The following NAA30 variants were observed in gnomAD, a reference collection of about 807,000 sequenced individuals.
NAA30 encodes the protein N-alpha-acetyltransferase 30.
NAA30 carries 5 observed loss-of-function variants against 31.4 expected under a neutral mutation model. The observed-to-expected ratio is 0.16, with a 90% CI of 0.08 to 0.33. NAA30 has a LOEUF of 0.33. NAA30 is among the 10% of genes least tolerant of loss of function. NAA30 has a pLI of 1.00. For synonymous variants in NAA30, 222 were observed against 207.1 expected (o/e 1.07, Z -0.62); for missense variants, 428 against 490.8 (o/e 0.87, Z 1.21).
Position 57,414,879 on chromosome 14 carries a change from A to G in NAA30, c.*5363A>G, listed in dbSNP as rs1438801618. The G allele has an allele frequency of 6.6e-6, 1 of 152,232 alleles. No individual in the cohort carries two copies. The highest frequency in any genetic ancestry group is 1.5e-5 in the Non-Finnish European group (1 of 68,052). 9.4% of individuals were successfully genotyped at this position (152,232 alleles called of 1,614,324 possible). On this transcript the variant is annotated 3_prime_UTR_variant, in exon 5 of 5. Transcript: ENST00000556492. ...GATTAAGTCAGTGTTTAATCTCAATATGAAACAGACCTAGAAATAACAAAG... is the reference window on the plus strand; with the variant it reads ...GATTAAGTCAGTGTTTAATCTCAATGTGAAACAGACCTAGAAATAACAAAG...
chr14:57,391,601 A>T lies in NAA30; in HGVS notation c.644A>T (p.Tyr215Phe). Residue 215 changes from tyrosine (Y) to phenylalanine (F), a missense_variant, in exon 2 of 5, where the codon TAT becomes TTT. By Grantham distance (22) the Tyr-to-Phe change is conservative. This residue lies in a region of NAA30 where 349 missense variants were observed against 310.4 expected (regional missense o/e 1.12). Coordinates refer to ENST00000556492, the MANE Select transcript of NAA30 (RefSeq NM_001011713.3). This position sits in a 1 kb window ranked among gnomAD's most constrained non-coding sequence, Gnocchi z 4.1. ...VEPGEDRTIRYVRYESELQMP... is the reference protein window; with the variant it reads ...VEPGEDRTIRFVRYESELQMP... Reference sequence around the variant, plus strand: ...CCTGGGGAGGATCGGACGATACGATATGTCCGATATGAATCCGAGCTACAA... The same window carrying T: ...CCTGGGGAGGATCGGACGATACGATTTGTCCGATATGAATCCGAGCTACAA... 1 of 1,614,238 alleles carries T rather than the reference A, an allele frequency of 6.2e-7. No homozygotes were observed.
At chr14:57,403,884 A>G (rs924321274) in intron 4 of NAA30, among the ~76,000 whole-genome samples, 1 of 152,208 alleles carries the variant, frequency 6.6e-6, no homozygotes, top group Non-Finnish European at 1.5e-5. Flanking sequence ...TCCTGAAGTA[A>G]ATTAGAATAT....
At position 57,404,434 on chromosome 14, in the gene NAA30, T is replaced by G. The variant is rs188713640; in HGVS notation, c.951+4551T>G. 3.0e-3 allele frequency among the ~76,000 whole-genome samples: 456 copies of G among 152,332 alleles called. 10 individuals are homozygous for G. Among genetic ancestry groups the G allele is most frequent in the Admixed American group, 0.029 (439 of 15,304 alleles). ...TTTCTTAATGGAATTTATAGTATCT[T>G]AAAATATTTTTAGTTGAAAATCACG... is the stretch of plus-strand genomic sequence containing the variant. On this transcript the variant is annotated intron_variant, in intron 4 of 4. Coordinates refer to ENST00000556492, the MANE Select transcript of NAA30 (RefSeq NM_001011713.3).
At chr14:57,400,452 T>A (rs2066470565) in intron 4 of NAA30, among the ~76,000 whole-genome samples, 1 of 152,200 alleles carries the variant, frequency 6.6e-6, no homozygotes, top group South Asian at 2.1e-4. Flanking sequence ...GCATGATAAA[T>A]ATTGGTGATG....
chr14:57,409,095 ATAAT>A (rs2066511856), intron 4 of NAA30, among the ~76,000 whole-genome samples: 1 of 152,308 alleles, frequency 6.6e-6, no homozygotes, highest in Admixed American at 6.5e-5. Flanking sequence ...CCACAGGGAA[ATAAT>A]TAATCTTTGT....
In NAA30 at chr14:57,414,012, C is replaced by T. The variant is rs1294251405; in HGVS notation, c.*4496C>T. The T allele has an allele frequency of 2.0e-5, 3 of 152,132 alleles. No homozygotes were observed. In the East Asian group the frequency reaches 5.8e-4, roughly 29 times the overall value. 9.4% of individuals were successfully genotyped at this position (152,132 alleles called of 1,614,324 possible). A position where few individuals can be genotyped will look rare whatever the true frequency, so the allele number is the denominator to read the frequency against. On this transcript the variant is annotated 3_prime_UTR_variant, in exon 5 of 5. Transcript: ENST00000556492. ...ATTGAGCTGAATTTGTAATTTTAAT[C>T]AAAGTTAGCCACATGTGGCTTGTGG... is the stretch of plus-strand genomic sequence containing the variant.
intron 2 of NAA30, among the ~76,000 whole-genome samples, chr14:57,394,110 TAAAA>T (rs11326184): frequency 1.3e-4 from 18 of 137,258 alleles, no homozygotes; most frequent in African/African-American, 2.7e-4. Context: ...GTAAAAGATG[TAAAA>T]AAAAAAAAAA....
chr14:57,390,990 C>A lies in NAA30; in HGVS notation c.33C>A (p.Leu11=). 1.3e-6 allele frequency: 2 copies of A among 1,494,756 alleles called. No homozygotes were observed. Among genetic ancestry groups the A allele is most frequent in the South Asian group, 1.4e-5 (1 of 72,238 alleles). 92.6% of individuals were successfully genotyped at this position (1,494,756 alleles called of 1,614,324 possible). Residue 11 remains leucine (L), a synonymous_variant, in exon 2 of 5, where the codon CTC becomes CTA. Coordinates refer to ENST00000556492, the MANE Select transcript of NAA30 (RefSeq NM_001011713.3). Reference sequence around the variant, plus strand: ...AGGTACCGCCTGGGCCTAGCAGCCTCCTCCCACCACCAGCACCTCCGGCCC... The same window carrying A: ...AGGTACCGCCTGGGCCTAGCAGCCTACTCCCACCACCAGCACCTCCGGCCC... The part of the protein sequence containing the change: MAEVPPGPSS[L]LPPPAPPAPA...
In NAA30 at chr14:57,391,197, G is replaced by A. The variant is rs750741163; in HGVS notation, c.240G>A (p.Glu80=). 4.3e-6 allele frequency: 7 copies of A among 1,611,386 alleles called. No homozygotes were observed. In the East Asian group the frequency reaches 1.3e-4, roughly 31 times the overall value. Residue 80 remains glutamate, a synonymous_variant, in exon 2 of 5, where the codon GAG becomes GAA. Transcript: ENST00000556492. The surrounding 1 kb of genome is among the most constrained non-coding windows in gnomAD (Gnocchi z 4.1). The part of the protein sequence containing the change: ...PCLRCPQPPQ[E]QQQLNGLISP... ...TCCGCTGCCCTCAGCCGCCGCAGGAGCAGCAGCAGCTCAACGGATTGATTA... is the reference window on the plus strand; with the variant it reads ...TCCGCTGCCCTCAGCCGCCGCAGGAACAGCAGCAGCTCAACGGATTGATTA...
intron 4 of NAA30, among the ~76,000 whole-genome samples, chr14:57,400,919 A>ATTTTT (rs2066473642): frequency 7.0e-6 from 1 of 143,546 alleles, no homozygotes. Context: ...TTTTGTAGAG[A>ATTTTT]TGGGAGTCTT....
At position 57,409,719 on chromosome 14, in the gene NAA30, G is replaced by A. The variant is rs2066515304; in HGVS notation, c.*203G>A. 6.8e-6 allele frequency: 3 copies of A among 442,288 alleles called. No homozygotes were observed. The highest frequency in any genetic ancestry group is 1.1e-5 in the Non-Finnish European group (3 of 263,904). 27.4% of individuals were successfully genotyped at this position (442,288 alleles called of 1,614,324 possible). On this transcript the variant is annotated 3_prime_UTR_variant, in exon 5 of 5. Transcript: ENST00000556492. ...AATTAAAAGATTGTTTTAAACTTCA[G>A]GAGTTCTTTTGGTACCAACAAGATG...
At chr14:57,397,848 C>T (rs1470527946) in intron 3 of NAA30, among the ~76,000 whole-genome samples, 1 of 152,146 alleles carries the variant, frequency 6.6e-6, no homozygotes, top group African/African-American at 2.4e-5. Flanking sequence ...TTGATTGAAC[C>T]TGGGAGGTGG....
Position 57,413,924 on chromosome 14 carries a change from C to T in NAA30, c.*4408C>T, listed in dbSNP as rs2066535570. 1 of 152,222 alleles carries T rather than the reference C, an allele frequency of 6.6e-6. No individual in the cohort carries two copies. Among genetic ancestry groups the T allele is most frequent in the Non-Finnish European group, 1.5e-5 (1 of 68,042 alleles). The allele number at this position is 152,222 out of a possible 1,614,324, so 9.4% of individuals were successfully genotyped here. ...TAAGGATAGATGTGTCCTTTTCACT[C>T]CCCAGTATGGTAGTTACTAGTCACA... On this transcript the variant is annotated 3_prime_UTR_variant, in exon 5 of 5. Transcript: ENST00000556492.
chr14:57,396,730 TA>T (rs2066452361), intron 2 of NAA30, 21 bp from the exon 3 acceptor site: 1 of 1,613,684 alleles, frequency 6.2e-7, no homozygotes, highest in Admixed American at 1.7e-5. Flanking sequence ...GTATTCTTCA[TA>T]ACTGTTTGTT....
chr14:57,405,913 G>A (rs1021626061), intron 4 of NAA30, among the ~76,000 whole-genome samples: 3 of 152,074 alleles, frequency 2.0e-5, no homozygotes, highest in Admixed American at 6.6e-5. Context: ...TAAGAGGATC[G>A]GTGGAATTTC....
intron 4 of NAA30, 58 bp from the exon 5 acceptor site, chr14:57,409,321 G>A: frequency 1.5e-6 from 2 of 1,356,514 alleles, no homozygotes; most frequent in South Asian, 1.5e-5. Context: ...TGTTTAGTTG[G>A]TAAATTATTT....
intron 2 of NAA30, among the ~76,000 whole-genome samples, chr14:57,394,548 G>T (rs1406792296): frequency 1.3e-5 from 2 of 151,884 alleles, no homozygotes; most frequent in Non-Finnish European, 2.9e-5. Context: ...TTCATGAGTA[G>T]TTTATCAGGA....
intron 2 of NAA30, among the ~76,000 whole-genome samples, chr14:57,393,017 A>G (rs930218527): frequency 2.6e-5 from 4 of 152,224 alleles, no homozygotes; most frequent in Admixed American, 2.6e-4. Context: ...GTCTGTGTCA[A>G]TGAATATGAG....
At chr14:57,392,023 C>T (rs1221409042) in intron 2 of NAA30, among the ~76,000 whole-genome samples, 1 of 152,078 alleles carries the variant, frequency 6.6e-6, no homozygotes, top group South Asian at 2.1e-4. Context: ...CGTGTTTAAC[C>T]GTCTTTAATT....
Sources: allele counts gnomAD v4.1 joint callset (sites outside exome capture counted in the v4.1 genomes callset), GRCh38; gene constraint gnomAD v4.1.1; regional missense constraint gnomAD v4.1.1; non-coding constraint Gnocchi (gnomAD v3.1); transcripts MANE v1.5; gene names NCBI Gene and HGNC (gene_info 2026-07-23, HGNC 2026-07-21).